The following TIPIN variants were observed in gnomAD, a reference collection of about 807,000 sequenced individuals.
TIPIN encodes TIMELESS interacting protein.
Under a neutral mutation model 35.6 loss-of-function variants are expected in TIPIN, and 29 were observed. That is an observed-to-expected ratio of 0.82 (90% CI 0.61 to 1.11). The LOEUF is 1.11. Among genes scored for constraint, TIPIN ranks in the 50% most tolerant of loss-of-function variants. The pLI is 0.00. For synonymous variants in TIPIN, 102 were observed against 121.5 expected, an observed-to-expected ratio of 0.84 and a Z score of 1.06; for missense variants, 296 against 345.4, an observed-to-expected ratio of 0.86 and a Z score of 1.13.
At chr15:66,366,782 A>T in intron 1 of TIPIN, 6 of 912,462 alleles carry the variant, frequency 6.6e-6, no homozygotes, top group South Asian at 5.0e-5. Context: ...AAAAAAAAAA[A>T]GAAAGAAAGA....
At chr15:66,376,953 C>G (rs529757805) in intron 1 of TIPIN, among the ~76,000 whole-genome samples, 4 of 151,096 alleles carry the variant, frequency 2.6e-5, no homozygotes, top group Admixed American at 1.3e-4. Flanking sequence ...TACTAACATA[C>G]AAAAATTAGC....
At chr15:66,357,590 T>G (rs2093211712), upstream of TIPIN, among the ~76,000 whole-genome samples, 1 of 65,434 alleles carries the variant, frequency 1.5e-5, no homozygotes. Flanking sequence ...AGTGAGATCT[T>G]GTCGCAAAAA....
intron 6 of TIPIN, among the ~76,000 whole-genome samples, chr15:66,348,588 T>A (rs2093144588): frequency 6.6e-6 from 1 of 150,562 alleles, no homozygotes; most frequent in Admixed American, 6.6e-5. Context: ...CTCAGGAGGC[T>A]GAGGCAGGAG....
upstream of TIPIN, among the ~76,000 whole-genome samples, chr15:66,358,958 C>G (rs772516853): frequency 6.6e-6 from 1 of 151,650 alleles, no homozygotes. Context: ...GCGAGAGAAT[C>G]GCTTGAACCC....
intron 7 of TIPIN, among the ~76,000 whole-genome samples, chr15:66,340,748 C>T (rs1269283118): frequency 6.6e-6 from 1 of 151,858 alleles, no homozygotes; most frequent in Non-Finnish European, 1.5e-5. Context: ...TGGTGTGCAC[C>T]ACCACACCTG....
chr15:66,379,535 C>G (rs2093310188), intron 1 of TIPIN: 1 of 1,610,542 alleles, frequency 6.2e-7, no homozygotes, highest in Non-Finnish European at 8.5e-7. Context: ...CTGGTCTCAT[C>G]CGCACCCTGC....
chr15:66,372,201 C>G (rs2094281705), intron 1 of TIPIN, among the ~76,000 whole-genome samples: 1 of 152,234 alleles, frequency 6.6e-6, no homozygotes, highest in South Asian at 2.1e-4. Context: ...AGGTTGCCAG[C>G]ACCCAGAAAG....
intron 1 of TIPIN, among the ~76,000 whole-genome samples, chr15:66,385,734 G>A (rs906781078): frequency 6.6e-5 from 10 of 152,000 alleles, no homozygotes; most frequent in African/African-American, 2.4e-4. Context: ...TGATCCACCC[G>A]TCTCGGCCTC....
upstream of TIPIN, among the ~76,000 whole-genome samples, chr15:66,358,614 C>A (rs1301281316): frequency 6.6e-6 from 1 of 152,070 alleles, no homozygotes; most frequent in Non-Finnish European, 1.5e-5. Flanking sequence ...GGGAGTTTCG[C>A]CATGTTGCCC....
chr15:66,351,093 T>G (rs1004319565), intron 4 of TIPIN, among the ~76,000 whole-genome samples: 28 of 754 alleles, frequency 0.037, no homozygotes, highest in African/African-American at 0.063. Context: ...TGTAAAGTGA[T>G]TCAGTTACTA....
chr15:66,346,357 G>T (rs1469531006), intron 6 of TIPIN, among the ~76,000 whole-genome samples: 1 of 147,790 alleles, frequency 6.8e-6, no homozygotes, highest in Non-Finnish European at 1.5e-5. Flanking sequence ...AATCACCTCT[G>T]CCTGACCTCT....
intron 1 of TIPIN, among the ~76,000 whole-genome samples, chr15:66,370,332 T>C (rs1293586259): frequency 6.6e-6 from 1 of 152,212 alleles, no homozygotes; most frequent in East Asian, 1.9e-4. Context: ...AATTGCATCA[T>C]CTTTCACCTT....
At chr15:66,362,109 G>C (rs997443857) in intron 1 of TIPIN, among the ~76,000 whole-genome samples, 1 of 152,076 alleles carries the variant, frequency 6.6e-6, no homozygotes, top group African/African-American at 2.4e-5. Context: ...TTCAAGACCA[G>C]CCTGGCCAAC....
At chr15:66,346,904 G>GCCTCAGCCT (rs1283460035) in intron 6 of TIPIN, among the ~76,000 whole-genome samples, 2 of 151,756 alleles carry the variant, frequency 1.3e-5, no homozygotes, top group East Asian at 3.9e-4. Flanking sequence ...CCATTCTCCT[G>GCCTCAGCCT]CCTCAGCCTC....
chr15:66,343,685 C>T (rs1214507105), intron 6 of TIPIN, among the ~76,000 whole-genome samples: 1 of 152,100 alleles, frequency 6.6e-6, no homozygotes, highest in Admixed American at 6.6e-5. Flanking sequence ...ATTGCTGAAG[C>T]AGTTAAGAAA....
At chr15:66,378,745 T>A (rs1451856276) in intron 1 of TIPIN, among the ~76,000 whole-genome samples, 2 of 149,912 alleles carry the variant, frequency 1.3e-5, no homozygotes, top group South Asian at 2.1e-4. Context: ...TCTTCCATAT[T>A]TTTTTTTTTG....
intron 1 of TIPIN, among the ~76,000 whole-genome samples, chr15:66,370,832 G>C (rs985083791): frequency 6.6e-6 from 1 of 152,096 alleles, no homozygotes; most frequent in Non-Finnish European, 1.5e-5. Context: ...ATATGGACTT[G>C]CCACTAAAAT....
At chr15:66,359,427 C>A (rs1284690018), upstream of TIPIN, among the ~76,000 whole-genome samples, 7 of 151,944 alleles carry the variant, frequency 4.6e-5, no homozygotes, top group Non-Finnish European at 1.0e-4. Context: ...CTCACTGCAG[C>A]CTCAATCTCC....
intron 1 of TIPIN, among the ~76,000 whole-genome samples, chr15:66,365,083 G>C (rs915792901): frequency 6.6e-6 from 1 of 152,016 alleles, no homozygotes; most frequent in Non-Finnish European, 1.5e-5. Flanking sequence ...GATGAGACCC[G>C]TTGGGCTGCA....
Sources: gnomAD v4.1 joint callset for allele counts (sites outside exome capture counted in the v4.1 genomes callset) on GRCh38, gnomAD v4.1.1 for gene constraint, MANE v1.5 for transcripts, NCBI Gene and HGNC (gene_info 2026-07-23, HGNC 2026-07-21) for gene names.